The following MB21D2 variants were observed in gnomAD, a reference collection of about 807,000 sequenced individuals.
The protein encoded by MB21D2 is nucleotidyltransferase MB21D2.
Under a neutral mutation model 33.3 loss-of-function variants are expected in MB21D2, and 9 were observed. That is an observed-to-expected ratio of 0.27 (90% CI 0.16 to 0.47). MB21D2 has a LOEUF of 0.47. Ranked by LOEUF, MB21D2 falls within the 20% of genes least tolerant of loss-of-function variation. The probability of loss-of-function intolerance (pLI) is 0.99; values close to 1 mark genes in which losing one functional copy is unlikely to be tolerated. For missense variants in MB21D2, 540 were observed against 624.6 expected (o/e 0.86, Z 1.44); for synonymous variants, 241 against 236.3 (o/e 1.02, Z -0.18).
chr3:192,878,390 G>C (rs1713487912), intron 1 of MB21D2, among the ~76,000 whole-genome samples: 1 of 152,198 alleles, frequency 6.6e-6, no homozygotes, highest in South Asian at 2.1e-4. Context: ...TCCCCTTAGA[G>C]AGAAAATTGG....
At chr3:192,807,969 G>A (rs1402017959) in intron 1 of MB21D2, among the ~76,000 whole-genome samples, 2 of 151,992 alleles carry the variant, frequency 1.3e-5, no homozygotes, top group African/African-American at 4.8e-5. Context: ...GAGTGGGGCG[G>A]GAGGGATTGG....
intron 1 of MB21D2, among the ~76,000 whole-genome samples, chr3:192,875,863 G>A (rs1387488901): frequency 6.6e-6 from 1 of 152,104 alleles, no homozygotes; most frequent in African/African-American, 2.4e-5. Context: ...AGCAAGGGAC[G>A]ACATGGCTAC....
Position 192,798,455 on chromosome 3 carries a change from T to C in MB21D2, c.1407A>G (p.Ser469=). 1 of 1,614,244 alleles carries C rather than the reference T, an allele frequency of 6.2e-7. No individual in the cohort carries two copies. Among genetic ancestry groups the C allele is most frequent in the Non-Finnish European group, 8.5e-7 (1 of 1,180,046 alleles). ...CGTCAGGATTGATAAAGACAGAGAT[T>C]GACTTTCCCGGGTTCTCAGTCACTA... ...QQLVTENPGK[S]ISVFINPDDV... The change falls in exon 2 of 2, where the codon TCA becomes TCG. Residue 469 remains serine, a synonymous_variant. Transcript: ENST00000392452. The surrounding 1 kb of genome is among the most constrained non-coding windows in gnomAD (Gnocchi z 4.8).
rs1391601209 is a variant in MB21D2 at position 192,799,360 on chromosome 3, C to G, written c.502G>C (p.Val168Leu). 1 of 1,614,106 alleles carries G rather than the reference C, an allele frequency of 6.2e-7. No homozygotes were observed. Among genetic ancestry groups the G allele is most frequent in the East Asian group, 2.2e-5 (1 of 44,892 alleles). Residue 168 changes from valine to leucine, a missense_variant, in exon 2 of 2, where the codon GTA (valine) becomes CTA (leucine). By Grantham distance (32) the Val-to-Leu change is conservative. Coordinates refer to ENST00000392452, the MANE Select transcript of MB21D2 (RefSeq NM_178496.4). The surrounding 1 kb of genome is among the most constrained non-coding windows in gnomAD (Gnocchi z 4.1). ...ISKWKDCCTIVDHINGATNYF... is the reference protein window; with the variant it reads ...ISKWKDCCTILDHINGATNYF... Reference sequence around the variant, plus strand: ...TTGGTGGCACCATTGATGTGATCTACAATGGTGCAGCAGTCTTTCCATTTA... The same window carrying G: ...TTGGTGGCACCATTGATGTGATCTAGAATGGTGCAGCAGTCTTTCCATTTA...
At chr3:192,862,564 T>C (rs1257438789) in intron 1 of MB21D2, among the ~76,000 whole-genome samples, 1 of 152,024 alleles carries the variant, frequency 6.6e-6, no homozygotes, top group Non-Finnish European at 1.5e-5. Context: ...CAATGTACAG[T>C]TGTCAGTTGA....
chr3:192,878,642 GGCAACATGCTAGCCA>G (rs1444824868), intron 1 of MB21D2, among the ~76,000 whole-genome samples: 2 of 152,096 alleles, frequency 1.3e-5, no homozygotes, highest in Non-Finnish European at 2.9e-5. Flanking sequence ...TTCGGTCCTC[GGCAACATGCTAGCCA>G]TGGGATGGGT....
At chr3:192,856,870 GTT>G (rs1712929638) in intron 1 of MB21D2, among the ~76,000 whole-genome samples, 1 of 151,996 alleles carries the variant, frequency 6.6e-6, no homozygotes, top group East Asian at 1.9e-4. Context: ...AGCATTTTTG[GTT>G]TTTCTCTTAT....
chr3:192,854,288 A>G (rs1367886760), intron 1 of MB21D2, among the ~76,000 whole-genome samples: 1 of 152,228 alleles, frequency 6.6e-6, no homozygotes, highest in Non-Finnish European at 1.5e-5. Flanking sequence ...AAAGTTAAAC[A>G]GCATTGTTGT....
At chr3:192,841,814 C>T (rs1712578400) in intron 1 of MB21D2, among the ~76,000 whole-genome samples, 1 of 152,162 alleles carries the variant, frequency 6.6e-6, no homozygotes, top group African/African-American at 2.4e-5. Context: ...TTTGGAAGAG[C>T]AAGAAATCCC....
chr3:192,864,639 T>G (rs1299918709), intron 1 of MB21D2, among the ~76,000 whole-genome samples: 1 of 152,174 alleles, frequency 6.6e-6, no homozygotes, highest in Non-Finnish European at 1.5e-5. Flanking sequence ...CCCAAGTAGC[T>G]GGGATTACAG....
At chr3:192,886,340 T>C (rs1179969117) in intron 1 of MB21D2, among the ~76,000 whole-genome samples, 1 of 152,178 alleles carries the variant, frequency 6.6e-6, no homozygotes, top group Non-Finnish European at 1.5e-5. Flanking sequence ...CTAACATTCT[T>C]GAGTACTTGA....
At chr3:192,827,511 C>T (rs775059525) in intron 1 of MB21D2, among the ~76,000 whole-genome samples, 4 of 152,108 alleles carry the variant, frequency 2.6e-5, no homozygotes, top group East Asian at 3.9e-4. Context: ...AGGTACTCTA[C>T]GTCCCAGCTT....
rs139981969 is a variant in MB21D2, at chr3:192,807,491, C to T, written c.212-7841G>A. On this transcript the variant is annotated intron_variant, in intron 1 of 1. Coordinates refer to ENST00000392452, the MANE Select transcript of MB21D2 (RefSeq NM_178496.4). The stretch of plus-strand genomic sequence containing the variant: ...GATGCTCTGAATGAAGTCAACTGTA[C>T]CCCATCACTGACCCTTTGCCCAGGA... Among the ~76,000 whole-genome samples the T allele has an allele frequency of 1.9e-3, 287 of 152,236 alleles. 2 individuals are homozygous for T. The highest frequency in any genetic ancestry group is 0.013 in the South Asian group (65 of 4,820).
intron 1 of MB21D2, among the ~76,000 whole-genome samples, chr3:192,878,078 C>T: frequency 7.2e-6 from 1 of 139,776 alleles, no homozygotes; most frequent in Non-Finnish European, 1.5e-5. Context: ...AACAATTCCT[C>T]CTCTTTTTTT....
intron 1 of MB21D2, among the ~76,000 whole-genome samples, chr3:192,824,174 G>C (rs1312339308): frequency 3.3e-5 from 5 of 152,080 alleles, no homozygotes; most frequent in Non-Finnish European, 2.9e-5. Flanking sequence ...CTTTTTCTGA[G>C]GACAAGAACA....
intron 1 of MB21D2, among the ~76,000 whole-genome samples, chr3:192,902,747 G>A (rs567400952): frequency 3.3e-5 from 5 of 152,242 alleles, no homozygotes; most frequent in East Asian, 1.9e-4. Context: ...GGGAGTGAAC[G>A]TTATGCTGGT....
intron 1 of MB21D2, among the ~76,000 whole-genome samples, chr3:192,875,467 CTTG>C (rs1020765367): frequency 2.0e-5 from 3 of 152,140 alleles, no homozygotes; most frequent in Non-Finnish European, 4.4e-5. Flanking sequence ...TTGAATTTTT[CTTG>C]TTGTTGTTGT....
rs573064620 is a variant in MB21D2 at position 192,914,616 on chromosome 3, T to C, written c.211+3014A>G. ...CTTTCGCACAGTCTGGGCTCTCAAA[T>C]ATTAACTAGATAATAACACCAATCA... On this transcript the variant is annotated intron_variant, in intron 1 of 1. Coordinates refer to ENST00000392452, the MANE Select transcript of MB21D2 (RefSeq NM_178496.4). Among the ~76,000 whole-genome samples the C allele has an allele frequency of 6.6e-5, 10 of 152,258 alleles. No individual in the cohort carries two copies. The South Asian group carries it at 2.1e-3, about 32-fold the overall frequency.
chr3:192,859,877 A>G (rs1445389606), intron 1 of MB21D2, among the ~76,000 whole-genome samples: 2 of 152,218 alleles, frequency 1.3e-5, no homozygotes, highest in East Asian at 1.9e-4. Flanking sequence ...AACATGGAGA[A>G]AGTGTGGGGG....
Sources: gnomAD v4.1 joint callset for allele counts (sites outside exome capture counted in the v4.1 genomes callset) on GRCh38, gnomAD v4.1.1 for gene constraint, Gnocchi (gnomAD v3.1) non-coding constraint, MANE v1.5 for transcripts, NCBI Gene and HGNC (gene_info 2026-07-23, HGNC 2026-07-21) for gene names.